The following VEGFA variants were observed in gnomAD, a reference collection of about 807,000 sequenced individuals.
VEGFA encodes the protein vascular endothelial growth factor A, long form.
In VEGFA, 20 loss-of-function variants were observed where a neutral mutation model predicts 49.7. That is an observed-to-expected ratio of 0.40 (90% CI 0.28 to 0.58). The LOEUF (loss-of-function observed/expected upper bound fraction) is 0.58, where lower values mean the gene tolerates loss of function less well. Among genes scored for constraint, VEGFA ranks in the 20% least tolerant of loss-of-function variants. The probability of loss-of-function intolerance (pLI) is 0.40; values close to 1 mark genes in which losing one functional copy is unlikely to be tolerated. For missense variants in VEGFA, 505 were observed against 553.5 expected (o/e 0.91, Z 0.88); for synonymous variants, 219 against 223.4 (o/e 0.98, Z 0.18).
chr6:43,770,659 G>A lies in VEGFA; in HGVS notation c.-48G>A, dbSNP rs1034613409. 1 of 1,517,006 alleles carries A rather than the reference G, an allele frequency of 6.6e-7. No homozygotes were observed. 94.0% of individuals were successfully genotyped at this position (1,517,006 alleles called of 1,614,324 possible). ...CCTGCTTTTGGGGGTGACCGCCGGA[G>A]CGCGGCGTGAGCCCTCCCCCTTGGG... On this transcript the variant is annotated 5_prime_UTR_variant, in exon 1 of 8. Transcript: ENST00000672860.
intron 2 of VEGFA, chr6:43,776,780 GT>G (rs1470055970): frequency 6.3e-6 from 1 of 157,588 alleles, no homozygotes; most frequent in Non-Finnish European, 1.4e-5. Flanking sequence ...TGCCTCCTCT[GT>G]TTTTGCCTAA....
At position 43,786,137 on chromosome 6, in the gene VEGFA, T is replaced by TTG. The variant is rs1769407997; in HGVS notation, c.*1581_*1582dup. 2.2e-5 allele frequency: 4 copies of TTG among 179,016 alleles called. No homozygotes were observed. Among genetic ancestry groups the TTG allele is most frequent in the East Asian group, 9.7e-5 (1 of 10,330 alleles). The allele number at this position is 179,016 out of a possible 1,614,324, so 11.1% of individuals were successfully genotyped here. A position where few individuals can be genotyped will look rare whatever the true frequency, so the allele number is the denominator to read the frequency against. On this transcript the variant is annotated 3_prime_UTR_variant, in exon 8 of 8. Transcript: ENST00000672860. ...TATATATATATTTGGCAACTTGTAT[T>TTG]TGTGTGTATATATATATATATATGT...
At chr6:43,772,227 C>A (rs555105047) in intron 1 of VEGFA, 1 of 243,812 alleles carries the variant, frequency 4.1e-6, no homozygotes, top group Non-Finnish European at 6.6e-6. Flanking sequence ...CCTTTTTAGC[C>A]TGGAGAGAAG....
rs115682055 is a variant in VEGFA at position 43,772,049 on chromosome 6, G to A, written c.606+737G>A. ...CTGCCCGAATGGGGAGCCCAGAGTG[G>A]CGAGCGGCACCCCTCCCCCCGCCAG... On this transcript the variant is annotated intron_variant, in intron 1 of 7. Transcript: ENST00000672860. The A allele has an allele frequency of 1.0e-3, 995 of 985,496 alleles. 4 individuals carry two copies. In the African/African-American group the frequency reaches 0.015, roughly 15 times the overall value. The allele number at this position is 985,496 out of a possible 1,614,324, so 61.0% of individuals were successfully genotyped here.
Sources: gnomAD v4.1 joint callset for allele counts on GRCh38, gnomAD v4.1.1 for gene constraint, MANE v1.5 for transcripts, NCBI Gene and HGNC (gene_info 2026-07-23, HGNC 2026-07-21) for gene names.